Variants in STXBP5 observed in about 807,000 individuals in gnomAD.
The protein encoded by STXBP5 is syntaxin binding protein 5.
Under a neutral mutation model 152.4 loss-of-function variants are expected in STXBP5, and 50 were observed. The ratio of observed to expected loss-of-function variants is 0.33; its 90% CI spans 0.26 to 0.42. STXBP5 has a LOEUF of 0.42. STXBP5 is among the 10% of genes least tolerant of loss of function. The pLI is 1.00. For synonymous variants in STXBP5, 492 were observed against 494.7 expected, an observed-to-expected ratio of 0.99 and a Z score of 0.07; for missense variants, 1,167 against 1,388.6, an observed-to-expected ratio of 0.84 and a Z score of 2.54.
In STXBP5 at chr6:147,239,289, A is replaced by C. The variant is rs773367754; in HGVS notation, c.431+19A>C. The C allele has an allele frequency of 1.3e-6, 2 of 1,591,922 alleles. No homozygotes were observed. Among genetic ancestry groups the C allele is most frequent in the African/African-American group, 1.3e-5 (1 of 74,518 alleles). ...GAGAAAGGTAAGAATTCTCCCAGTT[A>C]TCTTATGTATAGGATATTTACTATT... On this transcript the variant is annotated intron_variant, in intron 4 of 27. Coordinates refer to ENST00000321680, the MANE Select transcript of STXBP5 (RefSeq NM_001127715.4).
At chr6:147,269,625 G>C (rs1245188364) in intron 7 of STXBP5, among the ~76,000 whole-genome samples, 1 of 151,998 alleles carries the variant, frequency 6.6e-6, no homozygotes, top group Non-Finnish European at 1.5e-5. Context: ...TGCTTAAGAA[G>C]GTAGATGAAA....
intron 4 of STXBP5, among the ~76,000 whole-genome samples, chr6:147,259,483 A>G (rs1330235771): frequency 2.0e-5 from 3 of 152,214 alleles, no homozygotes; most frequent in Admixed American, 6.5e-5. Context: ...ATGAAGCTTA[A>G]GTAATTATCT....
intron 7 of STXBP5, among the ~76,000 whole-genome samples, chr6:147,269,793 A>G (rs1265328441): frequency 6.6e-6 from 1 of 152,154 alleles, no homozygotes. Context: ...ATGTGAAAGA[A>G]TGGAGGAAAA....
intron 9 of STXBP5, among the ~76,000 whole-genome samples, chr6:147,302,300 G>A (rs1781860968): frequency 6.6e-6 from 1 of 152,076 alleles, no homozygotes. Context: ...AAGTAGAAAA[G>A]AGGGCTAGGA....
intron 2 of STXBP5, among the ~76,000 whole-genome samples, chr6:147,208,974 T>C (rs1039273946): frequency 2.0e-5 from 3 of 152,102 alleles, no homozygotes; most frequent in Non-Finnish European, 4.4e-5. Flanking sequence ...TGCTAAACCT[T>C]CTTGGCTTCT....
At chr6:147,216,913 ATTG>A (rs1777199137) in intron 2 of STXBP5, among the ~76,000 whole-genome samples, 1 of 152,366 alleles carries the variant, frequency 6.6e-6, no homozygotes, top group African/African-American at 2.4e-5. Context: ...CATGGTAGCT[ATTG>A]TTAAACAGCA....
At chr6:147,367,701 A>G (rs1562272534) in intron 25 of STXBP5, among the ~76,000 whole-genome samples, 1 of 152,106 alleles carries the variant, frequency 6.6e-6, no homozygotes, top group African/African-American at 2.4e-5. Flanking sequence ...AAGAAAAAAA[A>G]TAATAAACAT....
At chr6:147,218,982 C>T (rs775068624) in intron 2 of STXBP5, among the ~76,000 whole-genome samples, 2 of 152,136 alleles carry the variant, frequency 1.3e-5, no homozygotes, top group Non-Finnish European at 2.9e-5. Flanking sequence ...GCTCCCATTA[C>T]AGTGTTGAAA....
intron 26 of STXBP5, among the ~76,000 whole-genome samples, chr6:147,378,402 T>C (rs1451748757): frequency 2.2e-5 from 3 of 137,718 alleles, no homozygotes; most frequent in African/African-American, 8.1e-5. Flanking sequence ...CAAAGTTGAT[T>C]TATCATTAAA....
At chr6:147,278,423 G>A (rs536918820) in intron 8 of STXBP5, among the ~76,000 whole-genome samples, 14 of 152,222 alleles carry the variant, frequency 9.2e-5, no homozygotes, top group African/African-American at 3.4e-4. Flanking sequence ...TTGCAAATTT[G>A]AAATTTTAGA....
chr6:147,244,619 A>T (rs1021333294), intron 4 of STXBP5, among the ~76,000 whole-genome samples: 14 of 152,242 alleles, frequency 9.2e-5, no homozygotes, highest in Non-Finnish European at 2.9e-5. Context: ...AAATAATGGC[A>T]TGCCCTAGCG....
intron 4 of STXBP5, among the ~76,000 whole-genome samples, chr6:147,254,197 A>T: frequency 6.6e-6 from 1 of 152,204 alleles, no homozygotes; most frequent in African/African-American, 2.4e-5. Context: ...TGGGGAAAGG[A>T]TTCTCTATTT....
intron 2 of STXBP5, among the ~76,000 whole-genome samples, chr6:147,234,440 A>G (rs1302102139): frequency 6.6e-6 from 1 of 151,226 alleles, no homozygotes. Flanking sequence ...GGAGCCAGAA[A>G]GCTTATTTAT....
chr6:147,227,286 C>T (rs1412254580), intron 2 of STXBP5, among the ~76,000 whole-genome samples: 1 of 152,096 alleles, frequency 6.6e-6, no homozygotes. Flanking sequence ...ACCACCTTTC[C>T]AAAGGCATAT....
chr6:147,373,600 G>A (rs573238319), intron 25 of STXBP5, 131 bp from the exon 26 acceptor site: 19 of 637,560 alleles, frequency 3.0e-5, no homozygotes, highest in Non-Finnish European at 4.8e-5. Flanking sequence ...CGTAGGACAT[G>A]TACTCATTAA....
intron 8 of STXBP5, 55 bp from the exon 9 acceptor site, chr6:147,291,039 A>C: frequency 7.5e-7 from 1 of 1,326,068 alleles, no homozygotes; most frequent in Admixed American, 1.9e-5. Context: ...CTATCAATGT[A>C]AGAATGTAGA....
intron 8 of STXBP5, among the ~76,000 whole-genome samples, chr6:147,282,797 G>A (rs75245209): frequency 3.9e-4 from 59 of 152,224 alleles, no homozygotes; most frequent in African/African-American, 1.4e-3. Flanking sequence ...CCCCTGTAGC[G>A]CAGGGTTGAG....
intron 16 of STXBP5, among the ~76,000 whole-genome samples, chr6:147,318,267 A>G (rs183784052): frequency 9.1e-4 from 139 of 152,266 alleles, no homozygotes; most frequent in Middle Eastern, 3.4e-3. Context: ...AAGACCTCTT[A>G]CCTTGGCTTT....
At chr6:147,356,535 T>G (rs1475395464) in intron 22 of STXBP5, among the ~76,000 whole-genome samples, 1 of 151,860 alleles carries the variant, frequency 6.6e-6, no homozygotes, top group Non-Finnish European at 1.5e-5. Flanking sequence ...AGTAAGTAGT[T>G]CTTTTCTACC....
Sources: gnomAD v4.1 joint callset for allele counts (sites outside exome capture counted in the v4.1 genomes callset) on GRCh38, gnomAD v4.1.1 for gene constraint, MANE v1.5 for transcripts, NCBI Gene and HGNC (gene_info 2026-07-23, HGNC 2026-07-21) for gene names.